SCAPER: variants seen among roughly 807,000 people sequenced by gnomAD.
SCAPER encodes S-phase cyclin A associated protein in the ER, also known as S phase cyclin A-associated protein in the endoplasmic reticulum.
In SCAPER, 98 loss-of-function variants were observed where a neutral mutation model predicts 182.2. The ratio of observed to expected loss-of-function variants is 0.54; its 90% CI spans 0.46 to 0.64. The LOEUF is 0.64. Among genes scored for constraint, SCAPER ranks in the 30% least tolerant of loss-of-function variants. SCAPER has a pLI of 0.00. For missense variants in SCAPER, 1,432 were observed against 1,690.0 expected (o/e 0.85, Z 2.68); for synonymous variants, 605 against 564.6 (o/e 1.07, Z -1.01).
At chr15:76,728,829 C>T in intron 16 of SCAPER, 92 bp from the exon 17 acceptor site, 2 of 1,363,018 alleles carry the variant, frequency 1.5e-6, no homozygotes, top group Non-Finnish European at 2.0e-6. Flanking sequence ...CTTACATGTT[C>T]AAGCCAAGTA....
chr15:76,450,152 A>G (rs541491783), intron 25 of SCAPER, among the ~76,000 whole-genome samples: 1 of 152,306 alleles, frequency 6.6e-6, no homozygotes, highest in Non-Finnish European at 1.5e-5. Context: ...GCTCCACACC[A>G]TATTGTCTCT....
At chr15:76,468,119 A>G (rs1332357099) in intron 25 of SCAPER, among the ~76,000 whole-genome samples, 1 of 152,140 alleles carries the variant, frequency 6.6e-6, no homozygotes, top group African/African-American at 2.4e-5. Flanking sequence ...GTACATCAAA[A>G]CCAGTTAGCA....
At chr15:76,858,844 G>A (rs2071630556) in intron 3 of SCAPER, among the ~76,000 whole-genome samples, 2 of 152,078 alleles carry the variant, frequency 1.3e-5, no homozygotes, top group South Asian at 4.1e-4. Flanking sequence ...GTGTATATAT[G>A]TACCACATTT....
intron 23 of SCAPER, among the ~76,000 whole-genome samples, chr15:76,527,497 T>G (rs2043298125): frequency 6.6e-6 from 1 of 152,204 alleles, no homozygotes; most frequent in Non-Finnish European, 1.5e-5. Flanking sequence ...GTTCAATTCT[T>G]GGTTGTGAAA....
At chr15:76,722,288 T>C (rs926693202) in intron 17 of SCAPER, among the ~76,000 whole-genome samples, 101 of 152,196 alleles carry the variant, frequency 6.6e-4, no homozygotes, top group Non-Finnish European at 5.0e-4. Flanking sequence ...CACTTGATCA[T>C]GGTGGATAAG....
At chr15:76,685,979 G>A (rs1212503176) in intron 20 of SCAPER, among the ~76,000 whole-genome samples, 1 of 151,992 alleles carries the variant, frequency 6.6e-6, no homozygotes, top group Admixed American at 6.5e-5. Context: ...ACACTTAATG[G>A]AAAATGCAGG....
chr15:76,443,672 A>G (rs556129236), intron 25 of SCAPER, among the ~76,000 whole-genome samples: 1 of 152,352 alleles, frequency 6.6e-6, no homozygotes, highest in Admixed American at 6.5e-5. Flanking sequence ...CTGGTAGCTT[A>G]TACAATTCTG....
At chr15:76,608,155 C>T (rs2050626633) in intron 22 of SCAPER, among the ~76,000 whole-genome samples, 1 of 151,974 alleles carries the variant, frequency 6.6e-6, no homozygotes, top group African/African-American at 2.4e-5. Flanking sequence ...GTTTTATCTA[C>T]CTTTGGTCTT....
chr15:76,814,677 A>G (rs970315815), intron 5 of SCAPER, among the ~76,000 whole-genome samples: 1 of 152,226 alleles, frequency 6.6e-6, no homozygotes, highest in Non-Finnish European at 1.5e-5. Context: ...AAACAAAAGG[A>G]AAAGTTCCTT....
Position 76,872,126 on chromosome 15 carries a change from G to A in SCAPER, c.7-9593C>T, listed in dbSNP as rs2072774239. On this transcript the variant is annotated intron_variant, in intron 2 of 31. Transcript: ENST00000563290. ...CAGCAGAAGAAAGGTCAGCGAACTG[G>A]AAAATGGAAAATATGACAGTAGGAA... Among the ~76,000 whole-genome samples the A allele has an allele frequency of 5.9e-5, 9 of 151,868 alleles. 1 individual carries two copies. The South Asian group carries it at 1.9e-3, about 32-fold the overall frequency.
chr15:76,833,315 A>G (rs1405108807), intron 5 of SCAPER, among the ~76,000 whole-genome samples: 1 of 152,226 alleles, frequency 6.6e-6, no homozygotes, highest in East Asian at 1.9e-4. Flanking sequence ...TCCTTTTGAC[A>G]CAAGCAAATG....
chr15:76,816,517 T>A (rs548854403), intron 5 of SCAPER, among the ~76,000 whole-genome samples: 27 of 152,330 alleles, frequency 1.8e-4, no homozygotes, highest in South Asian at 4.1e-4. Flanking sequence ...CATCTCCTGA[T>A]GACAATGCTT....
At chr15:76,772,641 G>C (rs894527012) in intron 9 of SCAPER, among the ~76,000 whole-genome samples, 2 of 151,658 alleles carry the variant, frequency 1.3e-5, no homozygotes, top group African/African-American at 4.8e-5. Context: ...TGTCCTTTAG[G>C]AATATTTAAT....
chr15:76,844,116 ATAC>A (rs2069774395), intron 4 of SCAPER, among the ~76,000 whole-genome samples: 1 of 152,100 alleles, frequency 6.6e-6, no homozygotes, highest in Admixed American at 6.6e-5. Flanking sequence ...TCGGGTAACT[ATAC>A]TACTACTATG....
intron 24 of SCAPER, among the ~76,000 whole-genome samples, chr15:76,481,147 G>T (rs2051105148): frequency 6.6e-6 from 1 of 152,126 alleles, no homozygotes; most frequent in South Asian, 2.1e-4. Flanking sequence ...ATAAAATTTG[G>T]ACCCAACAGA....
rs143676904 is a variant in SCAPER at position 76,695,765 on chromosome 15, A to C, written c.2508+5993T>G. Among the ~76,000 whole-genome samples, 474 of 152,230 alleles carry C rather than the reference A, an allele frequency of 3.1e-3. 3 individuals carry two copies. Among genetic ancestry groups the C allele is most frequent in the African/African-American group, 0.011 (453 of 41,542 alleles). On this transcript the variant is annotated intron_variant, in intron 20 of 31. Coordinates refer to ENST00000563290, the MANE Select transcript of SCAPER (RefSeq NM_020843.4). ...CCAAGTTACAGTGTGAAAACTTAGA[A>C]TATATAAATTAATAATAAGCTATAT... is the stretch of plus-strand genomic sequence containing the variant.
chr15:76,574,119 C>T (rs1246628835), intron 23 of SCAPER, 39 bp downstream of exon 23: 1 of 1,566,876 alleles, frequency 6.4e-7, no homozygotes, highest in South Asian at 1.2e-5. Context: ...GAAAGGATCA[C>T]AAAGATTAAG....
At position 76,753,678 on chromosome 15, in the gene SCAPER, G is replaced by T. The variant is rs1171108113; in HGVS notation, c.1866+130C>A. ...ATATTGCACCTGGTAAGTTTTAAAT[G>T]AGTGTGTAAAATGCTGTTATTCTAC... On this transcript the variant is annotated intron_variant, in intron 15 of 31. Coordinates refer to ENST00000563290, the MANE Select transcript of SCAPER (RefSeq NM_020843.4). 2.9e-6 allele frequency: 3 copies of T among 1,026,540 alleles called. No individual in the cohort carries two copies. In the East Asian group the frequency reaches 7.8e-5, roughly 27 times the overall value. The allele number at this position is 1,026,540 out of a possible 1,614,324, so 63.6% of individuals were successfully genotyped here.
chr15:76,356,858 A>ATGC (rs1269928124), intron 29 of SCAPER, among the ~76,000 whole-genome samples: 1 of 152,198 alleles, frequency 6.6e-6, no homozygotes, highest in Non-Finnish European at 1.5e-5. Flanking sequence ...AGTAGGGAGC[A>ATGC]TGCATGGCCT....
Sources: gnomAD v4.1 joint callset for allele counts (sites outside exome capture counted in the v4.1 genomes callset) on GRCh38, gnomAD v4.1.1 for gene constraint, MANE v1.5 for transcripts, NCBI Gene and HGNC (gene_info 2026-07-23, HGNC 2026-07-21) for gene names.